Variants in ADGRB3 observed in about 807,000 individuals in gnomAD.
ADGRB3 encodes the protein brain-specific angiogenesis inhibitor 3.
In ADGRB3, 37 loss-of-function variants were observed where a neutral mutation model predicts 193.4. That is an observed-to-expected ratio of 0.19 (90% CI 0.15 to 0.25). ADGRB3 has a LOEUF of 0.25. Among genes scored for constraint, ADGRB3 ranks in the 10% least tolerant of loss-of-function variants. The probability of loss-of-function intolerance (pLI) is 1.00; values close to 1 mark genes in which losing one functional copy is unlikely to be tolerated. For missense variants in ADGRB3, 1,637 were observed against 1,852.9 expected, an observed-to-expected ratio of 0.88 and a Z score of 2.14; for synonymous variants, 690 against 644.2, an observed-to-expected ratio of 1.07 and a Z score of -1.08.
At position 69,355,869 on chromosome 6, in the gene ADGRB3, A is replaced by AT. The variant is rs1474842833; in HGVS notation, c.3595+12dup. Reference sequence around the variant, plus strand: ...CATTGCCTGTCGATCAGGTAAGAATATTTAGATTTTGAAATCTAATCAGTA... The same window carrying AT: ...CATTGCCTGTCGATCAGGTAAGAATATTTTAGATTTTGAAATCTAATCAGTA... On this transcript the variant is annotated intron_variant, in intron 28 of 31. Transcript: ENST00000370598. The AT allele has an allele frequency of 2.5e-6, 4 of 1,597,774 alleles. No individual in the cohort carries two copies. The highest frequency in any genetic ancestry group is 3.4e-6 in the Non-Finnish European group (4 of 1,166,950).
chr6:69,266,965 G>C (rs1453922891), intron 20 of ADGRB3, among the ~76,000 whole-genome samples: 1 of 152,020 alleles, frequency 6.6e-6, no homozygotes, highest in Non-Finnish European at 1.5e-5. Flanking sequence ...CAGTGTCCTT[G>C]CAGAAGTATT....
At chr6:69,112,912 C>T (rs918668111) in intron 17 of ADGRB3, among the ~76,000 whole-genome samples, 35 of 152,014 alleles carry the variant, frequency 2.3e-4, no homozygotes, top group Non-Finnish European at 4.6e-4. Context: ...CAAGCAACAC[C>T]ACACCTGGCT....
chr6:68,970,839 G>C (rs1420509857), intron 8 of ADGRB3, among the ~76,000 whole-genome samples: 1 of 152,200 alleles, frequency 6.6e-6, no homozygotes, highest in Non-Finnish European at 1.5e-5. Context: ...GTGAGTGGTG[G>C]AGGTAAAATC....
chr6:69,061,648 G>T (rs911546419), intron 15 of ADGRB3, among the ~76,000 whole-genome samples: 1 of 151,824 alleles, frequency 6.6e-6, no homozygotes, highest in Non-Finnish European at 1.5e-5. Context: ...TAACCTAAAG[G>T]TTTTAACCTA....
At chr6:69,335,245 T>C (rs1405665742) in intron 24 of ADGRB3, among the ~76,000 whole-genome samples, 1 of 152,130 alleles carries the variant, frequency 6.6e-6, no homozygotes, top group African/African-American at 2.4e-5. Flanking sequence ...TAAGAGATCG[T>C]ATAGGTTTAG....
chr6:68,803,966 T>G (rs947470601), intron 3 of ADGRB3, among the ~76,000 whole-genome samples: 2 of 152,218 alleles, frequency 1.3e-5, no homozygotes, highest in Non-Finnish European at 2.9e-5. Flanking sequence ...TCATGAAATA[T>G]TGCTCACACT....
At chr6:68,921,321 A>C (rs1047500806) in intron 3 of ADGRB3, among the ~76,000 whole-genome samples, 2 of 152,222 alleles carry the variant, frequency 1.3e-5, no homozygotes, top group African/African-American at 4.8e-5. Flanking sequence ...ACAGAAAAAG[A>C]TGTAGCAGAC....
intron 31 of ADGRB3, among the ~76,000 whole-genome samples, chr6:69,387,621 C>T (rs985379088): frequency 6.6e-6 from 1 of 151,872 alleles, no homozygotes; most frequent in Non-Finnish European, 1.5e-5. Flanking sequence ...GCTGGTCTCA[C>T]ACTCCTGGGC....
intron 20 of ADGRB3, among the ~76,000 whole-genome samples, chr6:69,251,089 A>G (rs1055193149): frequency 3.9e-5 from 6 of 152,294 alleles, no homozygotes; most frequent in African/African-American, 1.4e-4. Flanking sequence ...TCTGGTTTGT[A>G]CCTGTTGCCC....
At chr6:68,651,365 T>G (rs963995467) in intron 3 of ADGRB3, among the ~76,000 whole-genome samples, 1 of 152,236 alleles carries the variant, frequency 6.6e-6, no homozygotes, top group Non-Finnish European at 1.5e-5. Flanking sequence ...TACTTTAGCT[T>G]GTAGTATATT....
chr6:68,733,288 A>G (rs1464989173), intron 3 of ADGRB3, among the ~76,000 whole-genome samples: 5 of 149,306 alleles, frequency 3.3e-5, no homozygotes, highest in Admixed American at 6.7e-5. Context: ...ATATATTCCT[A>G]TATATATAGG....
chr6:69,311,103 G>C (rs1768181116), intron 20 of ADGRB3, among the ~76,000 whole-genome samples: 1 of 151,676 alleles, frequency 6.6e-6, no homozygotes, highest in South Asian at 2.1e-4. Context: ...TTCAGAATAA[G>C]GGATTTGCTA....
At chr6:68,954,205 T>C (rs62418275) in intron 6 of ADGRB3, among the ~76,000 whole-genome samples, 4,227 of 152,308 alleles carry the variant, frequency 0.028, 86 homozygotes, top group Non-Finnish European at 0.041. Context: ...GTTAAGATGG[T>C]ATTGTCTTTA....
At chr6:69,275,306 A>G (rs1447760387) in intron 20 of ADGRB3, among the ~76,000 whole-genome samples, 1 of 152,164 alleles carries the variant, frequency 6.6e-6, no homozygotes, top group East Asian at 1.9e-4. Context: ...TCTTTATTCC[A>G]ACTAAAATTC....
chr6:69,211,008 G>C (rs1402944225), intron 17 of ADGRB3, among the ~76,000 whole-genome samples: 1 of 152,064 alleles, frequency 6.6e-6, no homozygotes, highest in Non-Finnish European at 1.5e-5. Flanking sequence ...TGTAGTCCCA[G>C]CTACGCGGGA....
intron 17 of ADGRB3, among the ~76,000 whole-genome samples, chr6:69,130,197 G>A (rs1282168803): frequency 6.6e-6 from 1 of 151,848 alleles, no homozygotes; most frequent in Non-Finnish European, 1.5e-5. Flanking sequence ...GCTCATTTGG[G>A]CCTCTTTTGA....
chr6:68,751,694 T>C (rs942899700), intron 3 of ADGRB3, among the ~76,000 whole-genome samples: 1 of 152,180 alleles, frequency 6.6e-6, no homozygotes, highest in Non-Finnish European at 1.5e-5. Flanking sequence ...TATACTATCC[T>C]CACACCCTCA....
At chr6:68,881,176 A>AG (rs1316928187) in intron 3 of ADGRB3, among the ~76,000 whole-genome samples, 3 of 60,792 alleles carry the variant, frequency 4.9e-5, no homozygotes, top group East Asian at 4.1e-4. Context: ...TTCCTTATAA[A>AG]GTTTTTTTTT....
chr6:69,295,451 A>G (rs992851978), intron 20 of ADGRB3, among the ~76,000 whole-genome samples: 21 of 152,126 alleles, frequency 1.4e-4, no homozygotes, highest in African/African-American at 1.9e-4. Context: ...CCCACAATTC[A>G]GGAAGAGCAG....
Sources: gnomAD v4.1 joint callset for allele counts (sites outside exome capture counted in the v4.1 genomes callset) on GRCh38, gnomAD v4.1.1 for gene constraint, MANE v1.5 for transcripts, NCBI Gene and HGNC (gene_info 2026-07-23, HGNC 2026-07-21) for gene names.